The following CADPS2 variants were observed in gnomAD, a reference collection of about 807,000 sequenced individuals.
CADPS2 encodes the protein calcium dependent secretion activator 2.
A neutral mutation model predicts 172.5 loss-of-function variants in CADPS2; 93 were observed. The observed-to-expected ratio is 0.54, with a 90% confidence interval of 0.46 to 0.64. CADPS2 has a LOEUF of 0.64. CADPS2 is among the 30% of genes least tolerant of loss of function. The probability of loss-of-function intolerance (pLI) is 0.00; values close to 1 mark genes in which losing one functional copy is unlikely to be tolerated. For synonymous variants in CADPS2, 546 were observed against 555.2 expected, an observed-to-expected ratio of 0.98 and a Z score of 0.23; for missense variants, 1,420 against 1,565.9, an observed-to-expected ratio of 0.91 and a Z score of 1.57.
At chr7:122,342,747 A>C (rs2036973867) in intron 28 of CADPS2, among the ~76,000 whole-genome samples, 1 of 152,146 alleles carries the variant, frequency 6.6e-6, no homozygotes, top group South Asian at 2.1e-4. Flanking sequence ...ATGTGTGTGT[A>C]ACCATGTTTT....
chr7:122,800,978 C>T (rs1044892639), intron 1 of CADPS2, among the ~76,000 whole-genome samples: 4 of 134,564 alleles, frequency 3.0e-5, no homozygotes, highest in African/African-American at 3.0e-5. Context: ...TGCGACAGAG[C>T]GAGACTCTGC....
At chr7:122,557,443 G>A (rs988454704) in intron 7 of CADPS2, among the ~76,000 whole-genome samples, 6 of 152,062 alleles carry the variant, frequency 3.9e-5, no homozygotes, top group African/African-American at 1.2e-4. Flanking sequence ...ACTGCCATGC[G>A]TTTCCCATTT....
intron 1 of CADPS2, among the ~76,000 whole-genome samples, chr7:122,793,407 TTG>T (rs1209803945): frequency 2.6e-5 from 4 of 152,172 alleles, no homozygotes; most frequent in African/African-American, 9.6e-5. Flanking sequence ...TTTTAAATCT[TTG>T]TTGGTTTAAA....
intron 1 of CADPS2, among the ~76,000 whole-genome samples, chr7:122,880,690 T>C (rs1241709161): frequency 6.6e-6 from 1 of 152,196 alleles, no homozygotes; most frequent in Non-Finnish European, 1.5e-5. Flanking sequence ...AATGAGATTG[T>C]TTTTAAAGCT....
At chr7:122,409,657 A>G (rs750076620) in intron 19 of CADPS2, 2 of 470,900 alleles carry the variant, frequency 4.2e-6, no homozygotes, top group South Asian at 3.1e-5. Flanking sequence ...TTAAGCAATC[A>G]CTGTCTTTGA....
At chr7:122,629,894 C>T in intron 3 of CADPS2, among the ~76,000 whole-genome samples, 1 of 152,094 alleles carries the variant, frequency 6.6e-6, no homozygotes, top group East Asian at 1.9e-4. Flanking sequence ...ATCCATTCTC[C>T]TGTTCTAAAT....
At chr7:122,655,843 C>T (rs906156792) in intron 3 of CADPS2, among the ~76,000 whole-genome samples, 2 of 152,076 alleles carry the variant, frequency 1.3e-5, no homozygotes, top group African/African-American at 4.8e-5. Flanking sequence ...CAAAAATAAT[C>T]CTCAAGCTTT....
intron 1 of CADPS2, among the ~76,000 whole-genome samples, chr7:122,878,081 C>A (rs898833094): frequency 6.6e-6 from 1 of 151,178 alleles, no homozygotes; most frequent in South Asian, 2.1e-4. Flanking sequence ...CATGGTGAAA[C>A]CCCGTCTTTA....
chr7:122,502,776 T>C (rs114300120), intron 9 of CADPS2, among the ~76,000 whole-genome samples: 1 of 152,180 alleles, frequency 6.6e-6, no homozygotes, highest in Admixed American at 6.5e-5. Context: ...AAGTTTCACA[T>C]GTCTGAGATC....
At chr7:122,385,813 A>G (rs2043588859) in intron 24 of CADPS2, among the ~76,000 whole-genome samples, 1 of 152,052 alleles carries the variant, frequency 6.6e-6, no homozygotes, top group Non-Finnish European at 1.5e-5. Context: ...GTTCATCTGT[A>G]TGAAGTGACT....
chr7:122,506,330 A>G (rs2059605700), intron 9 of CADPS2, among the ~76,000 whole-genome samples: 1 of 152,202 alleles, frequency 6.6e-6, no homozygotes, highest in African/African-American at 2.4e-5. Context: ...TCCACTCTTA[A>G]TAACTCTGTA....
chr7:122,811,223 G>T (rs1018713890), intron 1 of CADPS2, among the ~76,000 whole-genome samples: 4 of 152,152 alleles, frequency 2.6e-5, no homozygotes, highest in African/African-American at 9.7e-5. Context: ...GTAAATGATT[G>T]CTTTCCCATT....
intron 2 of CADPS2, among the ~76,000 whole-genome samples, chr7:122,707,339 T>C (rs1328912114): frequency 6.6e-6 from 1 of 151,912 alleles, no homozygotes. Flanking sequence ...CAATTAAATT[T>C]TTTAGAAGGT....
chr7:122,685,376 C>G (rs1026120547), intron 2 of CADPS2, among the ~76,000 whole-genome samples: 80 of 152,188 alleles, frequency 5.3e-4, no homozygotes, highest in African/African-American at 1.9e-3. Context: ...CAAAGAAAAT[C>G]AAATTCTTCC....
At chr7:122,720,169 C>G (rs545300520) in intron 2 of CADPS2, among the ~76,000 whole-genome samples, 2 of 151,864 alleles carry the variant, frequency 1.3e-5, no homozygotes, top group African/African-American at 4.8e-5. Flanking sequence ...TCAGACCTAA[C>G]GAGTCATTCT....
intron 2 of CADPS2, among the ~76,000 whole-genome samples, chr7:122,666,634 G>A (rs944262590): frequency 2.0e-5 from 3 of 152,070 alleles, no homozygotes; most frequent in African/African-American, 4.8e-5. Context: ...GAGTCACCAC[G>A]CCCAGCCAGC....
intron 1 of CADPS2, among the ~76,000 whole-genome samples, chr7:122,812,325 T>A (rs1328090485): frequency 6.6e-6 from 1 of 151,522 alleles, no homozygotes; most frequent in East Asian, 1.9e-4. Flanking sequence ...AAAAGTCTAT[T>A]AGATGATAAA....
chr7:122,328,236 G>A (rs1406333884), intron 28 of CADPS2, among the ~76,000 whole-genome samples: 4 of 151,900 alleles, frequency 2.6e-5, no homozygotes, highest in African/African-American at 9.7e-5. Context: ...CTAGTGCTGG[G>A]ATTAATACGT....
intron 27 of CADPS2, among the ~76,000 whole-genome samples, chr7:122,352,235 A>C (rs798695): frequency 0.36 from 54,485 of 152,122 alleles, 10,061 homozygotes; most frequent in East Asian, 0.56. Flanking sequence ...TAGCAATCAT[A>C]ATGATGATGG....
Sources: gnomAD v4.1 joint callset for allele counts (sites outside exome capture counted in the v4.1 genomes callset) on GRCh38, gnomAD v4.1.1 for gene constraint, MANE v1.5 for transcripts, NCBI Gene and HGNC (gene_info 2026-07-23, HGNC 2026-07-21) for gene names.